Variants in MUC6 observed in about 807,000 individuals in gnomAD.
The protein encoded by MUC6 is mucin-6.
In MUC6, 188 loss-of-function variants were observed where a neutral mutation model predicts 201.5. That is an observed-to-expected ratio of 0.93 (90% CI 0.83 to 1.05). The LOEUF (loss-of-function observed/expected upper bound fraction) is 1.05, where lower values mean the gene tolerates loss of function less well. Among genes scored for constraint, MUC6 ranks in the 50% least tolerant of loss-of-function variants. The pLI, the probability that MUC6 is intolerant of heterozygous loss-of-function variation, is 0.00. For synonymous variants in MUC6, 1,228 were observed against 1,389.4 expected (o/e 0.88, Z 2.58); for missense variants, 2,706 against 3,256.9 (o/e 0.83, Z 4.12).
chr11:1,013,694 T>TCCCC, intron 32 of MUC6, 61 bp from the exon 33 acceptor site: 1 of 1,500,328 alleles, frequency 6.7e-7, no homozygotes, highest in Non-Finnish European at 9.0e-7. Context: ...GGCCCCTCCC[T>TCCCC]CCCCAGGGCA....
Position 1,028,998 on chromosome 11 carries a change from C to T in MUC6, c.1381-37G>A, listed in dbSNP as rs375329856. The T allele has an allele frequency of 1.6e-4, 252 of 1,612,792 alleles. 1 individual carries two copies. The highest frequency in any genetic ancestry group is 1.3e-4 in the Admixed American group (8 of 60,012). On this transcript the variant is annotated intron_variant, in intron 11 of 32. Coordinates refer to ENST00000421673, the MANE Select transcript of MUC6 (RefSeq NM_005961.3). ...GTGGCCTGAGTCAGGGTGCAGGCAC[C>T]AGGGAGCGGAGCCCTGCTGGCAGGG...
At chr11:1,025,466 T>A (rs1856933849) in intron 22 of MUC6, 99 bp from the exon 23 acceptor site, 1 of 1,407,854 alleles carries the variant, frequency 7.1e-7, no homozygotes, top group Non-Finnish European at 9.7e-7. Context: ...TGCCCAGGTC[T>A]GTTAAGGCCA....
chr11:1,014,571 G>A (rs1037753141), intron 31 of MUC6, among the ~76,000 whole-genome samples: 7 of 152,202 alleles, frequency 4.6e-5, no homozygotes, highest in Non-Finnish European at 8.8e-5. Flanking sequence ...GCCTGGGTAC[G>A]TGGCAGGCAG....
Position 1,013,926 on chromosome 11 carries a change from C to T in MUC6, c.7115G>A (p.Cys2372Tyr). Residue 2372 changes from cysteine to tyrosine, a missense_variant, in exon 32 of 33, where the codon TGT becomes TAT. By Grantham distance (194) the Cys-to-Tyr change is radical (BLOSUM62 -2). Around this residue, in one of 10 missense-constraint regions of MUC6, gnomAD observed 586 missense variants for 488.0 expected, o/e 1.20. Coordinates refer to ENST00000421673, the MANE Select transcript of MUC6 (RefSeq NM_005961.3). ...GCMANVTVTR[C>Y]EGACISAASF... The stretch of plus-strand genomic sequence containing the variant: ...GGCAGCGGAAATGCAGGCGCCCTCA[C>T]AGCGGGTTACCGTCACGTTCGCCAT... The T allele has an allele frequency of 3.1e-6, 5 of 1,607,296 alleles. No individual in the cohort carries two copies. The highest frequency in any genetic ancestry group is 4.2e-6 in the Non-Finnish European group (5 of 1,177,574).
chr11:1,030,447 G>T, intron 7 of MUC6, 112 bp from the exon 8 acceptor site: 1 of 1,348,152 alleles, frequency 7.4e-7, no homozygotes, highest in South Asian at 1.4e-5. Context: ...AGAAGCAGCA[G>T]CGAGGATCTC....
rs545139295 is a variant in MUC6 at position 1,025,036 on chromosome 11, G to A, written c.3033C>T (p.Asp1011=). The A allele has an allele frequency of 9.3e-6, 15 of 1,612,910 alleles. No homozygotes were observed. The highest frequency in any genetic ancestry group is 4.0e-5 in the African/African-American group (3 of 75,052). The change falls in exon 24 of 33, where the codon GAC becomes GAT. Residue 1011 remains aspartate, a synonymous_variant. Transcript: ENST00000421673. ...CGTACCTGCTGCGCGTCTCGAAGTC[G>A]TCCTTCATGTTCCCGTTGAAGTTGC... The part of the protein sequence containing the change: ...LCGNFNGNMK[D]DFETRSRYVA...
At chr11:1,025,969 C>G (rs373612552) in intron 21 of MUC6, 31 bp downstream of exon 21, 1 of 1,587,850 alleles carries the variant, frequency 6.3e-7, no homozygotes, top group Non-Finnish European at 8.6e-7. Flanking sequence ...TCTGGGTCCC[C>G]GGCCCCTGCG....
Position 1,016,422 on chromosome 11 carries a change from G to C in MUC6, c.6379C>G (p.Leu2127Val), listed in dbSNP as rs1257428615. 6.2e-7 allele frequency: 1 copy of C among 1,613,830 alleles called. No individual in the cohort carries two copies. The highest frequency in any genetic ancestry group is 1.1e-5 in the South Asian group (1 of 91,076). ...GGACTGGGAGAAAATGAGGAGGACA[G>C]CTGATTAGTTGTGGAAACAGGAGTG... ...ATTPVSTTNQ[L>V]SSSFSPSPSA... Residue 2127 changes from leucine to valine, a missense_variant, in exon 31 of 33, where the codon CTG (leucine) becomes GTG (valine). By Grantham distance (32) the Leu-to-Val change is conservative (BLOSUM62 1). Coordinates refer to ENST00000421673, the MANE Select transcript of MUC6 (RefSeq NM_005961.3).
chr11:1,024,880 G>A lies in MUC6; in HGVS notation c.3189C>T (p.Val1063=), dbSNP rs954873903. The A allele has an allele frequency of 6.2e-6, 10 of 1,612,380 alleles. No individual in the cohort carries two copies. Among genetic ancestry groups the A allele is most frequent in the Middle Eastern group, 1.6e-4 (1 of 6,062 alleles). ...AGGTGGCAAAGGTCTGGCTGTTGAT[G>A]ACGCTGCACTTGCGCTCGGCCCAGG... ...RRSWAERKCS[V]INSQTFATCH... Residue 1063 remains valine (V), a synonymous_variant, in exon 24 of 33, where the codon GTC becomes GTT. Coordinates refer to ENST00000421673, the MANE Select transcript of MUC6 (RefSeq NM_005961.3).
chr11:1,013,393 G>T lies in MUC6; in HGVS notation c.*63C>A. ...GCTGGCACAAGCGGGAAGGGGGCTG[G>T]TGGGTGTTTTCCTGTCTGTCATCTG... On this transcript the variant is annotated 3_prime_UTR_variant, in exon 33 of 33. Transcript: ENST00000421673. 2 of 1,464,734 alleles carry T rather than the reference G, an allele frequency of 1.4e-6. No individual in the cohort carries two copies. The highest frequency in any genetic ancestry group is 9.2e-7 in the Non-Finnish European group (1 of 1,087,186). 90.7% of individuals were successfully genotyped at this position (1,464,734 alleles called of 1,614,324 possible). A position where few individuals can be genotyped will look rare whatever the true frequency, so the allele number is the denominator to read the frequency against.
At chr11:1,018,915 C>G in intron 30 of MUC6, 145 bp from the exon 31 acceptor site, 1 of 1,102,584 alleles carries the variant, frequency 9.1e-7, no homozygotes, top group Non-Finnish European at 1.3e-6. Flanking sequence ...GGCACTCCAG[C>G]CTGCCCCATT....
intron 22 of MUC6, 94 bp from the exon 23 acceptor site, chr11:1,025,461 AG>A: frequency 7.0e-7 from 1 of 1,423,018 alleles, no homozygotes; most frequent in Non-Finnish European, 9.6e-7. Flanking sequence ...AGAGCTGCCC[AG>A]GTCTGTTAAG....
chr11:1,021,795 C>G (rs1856813966), intron 26 of MUC6, among the ~76,000 whole-genome samples: 1 of 152,092 alleles, frequency 6.6e-6, no homozygotes. Context: ...AGACACTGGC[C>G]CCTCTTCTGT....
intron 23 of MUC6, 42 bp downstream of exon 23, chr11:1,025,140 G>A (rs766090795): frequency 1.9e-6 from 3 of 1,610,454 alleles, no homozygotes; most frequent in Middle Eastern, 1.6e-4. Context: ...CTCCACCCCT[G>A]CATCAGGGAG....
intron 26 of MUC6, among the ~76,000 whole-genome samples, chr11:1,022,058 TCCCTCTG>T (rs144295769): frequency 0.055 from 7,044 of 127,334 alleles, 230 homozygotes; most frequent in Middle Eastern, 0.11. Context: ...CCTCACTCGC[TCCCTCTG>T]CCCTCTGCAG....
rs781752820 is a variant in MUC6, at chr11:1,031,815, G to A, written c.354C>T (p.Ile118=). The stretch of plus-strand genomic sequence containing the variant: ...GGGCCCCGGCCCACCTGACCTACCC[G>A]ATGTCCTTGACTGAGATGATGGCTT... ...VSEAIISVKD[I]GVISLPYTSN... The change falls in exon 3 of 33, where the codon ATC becomes ATT. Residue 118 remains isoleucine (I), a splice_region_variant and synonymous_variant. Coordinates refer to ENST00000421673, the MANE Select transcript of MUC6 (RefSeq NM_005961.3). 3.7e-6 allele frequency: 6 copies of A among 1,602,388 alleles called. No individual in the cohort carries two copies. Among genetic ancestry groups the A allele is most frequent in the Middle Eastern group, 1.6e-4 (1 of 6,074 alleles).
At chr11:1,036,514 G>T in intron 1 of MUC6, 90 bp downstream of exon 1, 1 of 1,419,682 alleles carries the variant, frequency 7.0e-7, no homozygotes, top group Non-Finnish European at 9.6e-7. Flanking sequence ...TGGGCCAGCC[G>T]AGTTGTCGAG....
chr11:1,020,866 G>T (rs1564837617), intron 27 of MUC6, 132 bp from the exon 28 acceptor site: 2 of 1,184,606 alleles, frequency 1.7e-6, no homozygotes, highest in African/African-American at 1.5e-5. Context: ...GGGGCTGGGA[G>T]CCCACCCTCC....
intron 28 of MUC6, 101 bp from the exon 29 acceptor site, chr11:1,020,358 A>G: frequency 7.0e-7 from 1 of 1,429,524 alleles, no homozygotes; most frequent in Non-Finnish European, 9.4e-7. Flanking sequence ...GCAGCCCTGC[A>G]GGGGCCAATG....
Sources: allele counts gnomAD v4.1 joint callset (sites outside exome capture counted in the v4.1 genomes callset), GRCh38; gene constraint gnomAD v4.1.1; regional missense constraint gnomAD v4.1.1; transcripts MANE v1.5; gene names NCBI Gene and HGNC (gene_info 2026-07-23, HGNC 2026-07-21).